NRXN3: variants seen among roughly 807,000 people sequenced by gnomAD.
NRXN3 encodes the protein neurexin 3.
In NRXN3, 32 loss-of-function variants were observed where a neutral mutation model predicts 137.6. The observed-to-expected ratio is 0.23, with a 90% CI of 0.18 to 0.31. The LOEUF is 0.31. Ranked by LOEUF, NRXN3 falls within the 10% of genes least tolerant of loss-of-function variation. The pLI, the probability that NRXN3 is intolerant of heterozygous loss-of-function variation, is 1.00. For missense variants in NRXN3, 1,574 were observed against 2,062.5 expected (o/e 0.76, Z 4.59); for synonymous variants, 798 against 784.5 (o/e 1.02, Z -0.29).
At chr14:79,138,237 C>A (rs1182584923) in intron 15 of NRXN3, among the ~76,000 whole-genome samples, 1 of 152,070 alleles carries the variant, frequency 6.6e-6, no homozygotes, top group Non-Finnish European at 1.5e-5. Flanking sequence ...CTCACTGCAG[C>A]CTTGACCTTC....
At chr14:79,739,648 CAAAAAAA>C (rs72347811) in intron 19 of NRXN3, among the ~76,000 whole-genome samples, 10 of 31,824 alleles carry the variant, frequency 3.1e-4, no homozygotes, top group Admixed American at 6.3e-4. Context: ...GACTCTGCCT[CAAAAAAA>C]AAAAAAAAAA....
At chr14:78,174,824 C>A (rs1272798966) in intron 1 of NRXN3, among the ~76,000 whole-genome samples, 1 of 152,152 alleles carries the variant, frequency 6.6e-6, no homozygotes, top group Non-Finnish European at 1.5e-5. Context: ...CCCACGTCCA[C>A]CAAGCGAACC....
At chr14:78,649,576 T>TC (rs2152616897) in intron 5 of NRXN3, among the ~76,000 whole-genome samples, 1 of 151,930 alleles carries the variant, frequency 6.6e-6, no homozygotes, top group Admixed American at 6.5e-5. Context: ...TTTTTTTTTT[T>TC]TTTTAAATCT....
rs144468481 is a variant in NRXN3, at chr14:78,674,578, G to A, written c.1221+23252G>A. 1.2e-3 allele frequency among the ~76,000 whole-genome samples: 176 copies of A among 152,304 alleles called. 1 individual carries two copies. Among genetic ancestry groups the A allele is most frequent in the African/African-American group, 4.1e-3 (171 of 41,560 alleles). On this transcript the variant is annotated intron_variant, in intron 6 of 20. Transcript: ENST00000335750. ...TTCTTACCACATTGTGAGTGTTTAT[G>A]TGGCTGGGGCAAAAGAAGTTGTGGT...
At chr14:79,783,153 T>C (rs139816333) in intron 19 of NRXN3, among the ~76,000 whole-genome samples, 75 of 152,320 alleles carry the variant, frequency 4.9e-4, no homozygotes, top group African/African-American at 1.8e-3. Context: ...TTTAATGATA[T>C]GATTTTGGTG....
chr14:79,165,509 A>C (rs765785606), intron 15 of NRXN3, among the ~76,000 whole-genome samples: 1 of 151,988 alleles, frequency 6.6e-6, no homozygotes, highest in Non-Finnish European at 1.5e-5. Context: ...CAAAGCAAGA[A>C]TCTAACTTCC....
At chr14:79,653,954 A>G (rs1224769305) in intron 16 of NRXN3, among the ~76,000 whole-genome samples, 1 of 152,066 alleles carries the variant, frequency 6.6e-6, no homozygotes, top group African/African-American at 2.4e-5. Flanking sequence ...CTTGGAAAGT[A>G]CCCCACTCTG....
intron 15 of NRXN3, among the ~76,000 whole-genome samples, chr14:78,991,726 T>C (rs773999625): frequency 1.3e-5 from 2 of 152,226 alleles, no homozygotes; most frequent in Non-Finnish European, 2.9e-5. Context: ...TTTTAGGGTA[T>C]TCCTTTTTCC....
chr14:78,561,659 C>T (rs2096787372), intron 4 of NRXN3, among the ~76,000 whole-genome samples: 1 of 152,176 alleles, frequency 6.6e-6, no homozygotes, highest in Admixed American at 6.5e-5. Context: ...GATTTTCAGT[C>T]CTACTCTACC....
intron 15 of NRXN3, among the ~76,000 whole-genome samples, chr14:79,132,433 C>G (rs1399414734): frequency 6.6e-6 from 1 of 152,078 alleles, no homozygotes; most frequent in Non-Finnish European, 1.5e-5. Flanking sequence ...TAAAATAGCA[C>G]ATTTACAATT....
intron 19 of NRXN3, among the ~76,000 whole-genome samples, chr14:79,781,232 T>G (rs893846502): frequency 6.6e-6 from 1 of 152,180 alleles, no homozygotes; most frequent in Non-Finnish European, 1.5e-5. Flanking sequence ...CCAAACTATA[T>G]ACTACAGTTT....
intron 8 of NRXN3, among the ~76,000 whole-genome samples, chr14:78,750,428 G>T (rs956583109): frequency 1.3e-5 from 2 of 152,280 alleles, no homozygotes; most frequent in Non-Finnish European, 2.9e-5. Flanking sequence ...TGTGATGCTG[G>T]AGGAAAGACA....
chr14:78,994,750 G>T (rs992145494), intron 15 of NRXN3, among the ~76,000 whole-genome samples: 3 of 152,166 alleles, frequency 2.0e-5, no homozygotes, highest in Non-Finnish European at 4.4e-5. Context: ...AAACTTTGGT[G>T]TAACATAAGG....
At chr14:79,538,725 C>G (rs769450651) in intron 16 of NRXN3, among the ~76,000 whole-genome samples, 1 of 152,150 alleles carries the variant, frequency 6.6e-6, no homozygotes, top group Non-Finnish European at 1.5e-5. Context: ...GTTTGCCAAT[C>G]GCAGCCACTT....
chr14:78,282,760 T>A (rs1023313049), intron 3 of NRXN3, among the ~76,000 whole-genome samples: 10 of 152,194 alleles, frequency 6.6e-5, no homozygotes, highest in Non-Finnish European at 1.3e-4. Flanking sequence ...GGGGACCTGA[T>A]TATGTGTCCT....
chr14:79,450,833 T>A (rs938990092), intron 15 of NRXN3, among the ~76,000 whole-genome samples: 6 of 150,904 alleles, frequency 4.0e-5, no homozygotes, highest in Admixed American at 6.6e-5. Context: ...GCCACTGCAC[T>A]CCAGCCTGGG....
chr14:78,410,228 A>G (rs1017245474), intron 4 of NRXN3, among the ~76,000 whole-genome samples: 3 of 152,240 alleles, frequency 2.0e-5, no homozygotes, highest in African/African-American at 4.8e-5. Context: ...GTGGAGAACC[A>G]GTAAGTCTCT....
At chr14:79,674,508 G>A (rs2098630136) in intron 17 of NRXN3, among the ~76,000 whole-genome samples, 2 of 151,958 alleles carry the variant, frequency 1.3e-5, no homozygotes, top group South Asian at 4.2e-4. Context: ...TGTGGTCACT[G>A]TCCACCAAGG....
intron 15 of NRXN3, among the ~76,000 whole-genome samples, chr14:79,272,025 C>T (rs1185143904): frequency 6.6e-6 from 1 of 152,086 alleles, no homozygotes; most frequent in Non-Finnish European, 1.5e-5. Flanking sequence ...TCTTTTAACA[C>T]TCAGTTTACG....
Sources: allele counts gnomAD v4.1 joint callset (sites outside exome capture counted in the v4.1 genomes callset), GRCh38; gene constraint gnomAD v4.1.1; transcripts MANE v1.5; gene names NCBI Gene and HGNC (gene_info 2026-07-23, HGNC 2026-07-21).